The following MYO3B variants were observed in gnomAD, a reference collection of about 807,000 sequenced individuals.
MYO3B encodes the protein myosin-IIIb.
MYO3B carries 156 observed loss-of-function variants against 174.6 expected under a neutral mutation model. The ratio of observed to expected loss-of-function variants is 0.89; its 90% confidence interval spans 0.78 to 1.02. The LOEUF (loss-of-function observed/expected upper bound fraction) is 1.02. MYO3B is among the 50% of genes least tolerant of loss of function. MYO3B has a pLI of 0.00. For synonymous variants in MYO3B, 563 were observed against 569.1 expected (o/e 0.99, Z 0.15); for missense variants, 1,632 against 1,639.4 (o/e 1.00, Z 0.08).
At chr2:170,277,843 C>G (rs1395051209) in intron 7 of MYO3B, among the ~76,000 whole-genome samples, 3 of 152,170 alleles carry the variant, frequency 2.0e-5, no homozygotes, top group Non-Finnish European at 4.4e-5. Context: ...ATATGCATTT[C>G]TGCAATTCGC....
chr2:170,498,608 T>C lies in MYO3B; in HGVS notation c.3031T>C (p.Phe1011Leu), dbSNP rs372323362. 4.2e-5 allele frequency: 67 copies of C among 1,613,860 alleles called. 1 individual carries two copies. The African/African-American group carries it at 7.9e-4, about 19-fold the overall frequency. ...ATTTTGCAGGTATTATTACTTGGCA[T>C]TCACAGCACATCAAACACCTCTTGC... ...EFVKRYYYLA[F>L]TAHQTPLASK... The change falls in exon 26 of 35, where the codon TTC becomes CTC. Residue 1011 changes from phenylalanine (F) to leucine (L), a missense_variant. Phe to Leu is a conservative substitution (Grantham distance 22). Coordinates refer to ENST00000408978, the MANE Select transcript of MYO3B (RefSeq NM_138995.5).
intron 32 of MYO3B, among the ~76,000 whole-genome samples, chr2:170,630,443 G>C (rs1392359488): frequency 2.0e-5 from 3 of 152,154 alleles, no homozygotes; most frequent in African/African-American, 7.2e-5. Flanking sequence ...AGGCCTGCCT[G>C]CCTCTGTAGA....
chr2:170,519,800 C>A, intron 30 of MYO3B: 1 of 313,104 alleles, frequency 3.2e-6, no homozygotes, highest in Non-Finnish European at 6.1e-6. Context: ...TGGCAAAACC[C>A]CGCCTCTACT....
intron 7 of MYO3B, 25 bp downstream of exon 7, chr2:170,236,161 A>G: frequency 6.2e-7 from 1 of 1,613,884 alleles, no homozygotes; most frequent in Non-Finnish European, 8.5e-7. Context: ...GGCGCTCTTG[A>G]CTCATTAGTT....
chr2:170,291,965 T>C (rs1158415701), intron 7 of MYO3B, among the ~76,000 whole-genome samples: 4 of 152,096 alleles, frequency 2.6e-5, no homozygotes, highest in Non-Finnish European at 5.9e-5. Flanking sequence ...CCTGGATATT[T>C]ATACCTTTCT....
chr2:170,437,766 G>A (rs910251094), intron 22 of MYO3B, among the ~76,000 whole-genome samples: 1 of 151,994 alleles, frequency 6.6e-6, no homozygotes, highest in Non-Finnish European at 1.5e-5. Flanking sequence ...TCCCCTGAAG[G>A]ATCCTTACTG....
chr2:170,489,128 G>C (rs1368452394), intron 25 of MYO3B, among the ~76,000 whole-genome samples: 3 of 152,220 alleles, frequency 2.0e-5, no homozygotes, highest in Admixed American at 2.0e-4. Flanking sequence ...TGAATTAGAA[G>C]ACCTGGTAAG....
rs1365314220 is a variant in MYO3B at position 170,369,377 on chromosome 2, G to A, written c.971G>A (p.Arg324Lys). ...QKHQNPVAKTRHERMHTRRPY... is the reference protein window; with the variant it reads ...QKHQNPVAKTKHERMHTRRPY... ...CATCAAAATCCTGTTGCTAAAACCA[G>A]GTACTGTACTCTCTTTCTTCTTTCT... The change falls in exon 9 of 35, where the codon AGG becomes AAG. Residue 324 changes from arginine (R) to lysine (K), a missense_variant and splice_region_variant. Physicochemically the swap from Arg to Lys is conservative, Grantham distance 26. Transcript: ENST00000408978. The A allele has an allele frequency of 1.9e-6, 3 of 1,611,494 alleles. No individual in the cohort carries two copies. The highest frequency in any genetic ancestry group is 1.7e-6 in the Non-Finnish European group (2 of 1,178,540).
At chr2:170,217,254 CTGCCGAT>C in intron 5 of MYO3B, 58 bp from the exon 6 acceptor site, 2 of 1,423,756 alleles carry the variant, frequency 1.4e-6, no homozygotes, top group Non-Finnish European at 2.0e-6. Flanking sequence ...TGGAAAAAGT[CTGCCGAT>C]TGCTGGTCTA....
At chr2:170,426,864 A>G (rs2094667036) in intron 22 of MYO3B, among the ~76,000 whole-genome samples, 1 of 149,766 alleles carries the variant, frequency 6.7e-6, no homozygotes, top group South Asian at 2.1e-4. Context: ...CTAAAAATAC[A>G]AAAAATTAGC....
intron 7 of MYO3B, among the ~76,000 whole-genome samples, chr2:170,244,142 T>G (rs532552444): frequency 8.9e-4 from 136 of 152,326 alleles, no homozygotes; most frequent in African/African-American, 3.1e-3. Context: ...GGTGGTTTTG[T>G]GCTCGGTTGA....
At chr2:170,208,117 G>A (rs1574579790) in intron 3 of MYO3B, among the ~76,000 whole-genome samples, 2 of 152,186 alleles carry the variant, frequency 1.3e-5, no homozygotes, top group South Asian at 4.1e-4. Flanking sequence ...AACCAGTCAT[G>A]CTCACCTGTG....
intron 7 of MYO3B, among the ~76,000 whole-genome samples, chr2:170,295,259 A>G (rs1048380235): frequency 4.0e-5 from 6 of 151,690 alleles, no homozygotes; most frequent in Non-Finnish European, 8.8e-5. Flanking sequence ...TTCTGTTTAT[A>G]CTCATTATTT....
At chr2:170,580,887 A>G (rs1377804882) in intron 32 of MYO3B, among the ~76,000 whole-genome samples, 3 of 152,126 alleles carry the variant, frequency 2.0e-5, no homozygotes, top group Non-Finnish European at 4.4e-5. Context: ...TAGAACTCTC[A>G]TTAATTTCAT....
At chr2:170,285,987 T>G (rs72889438) in intron 7 of MYO3B, among the ~76,000 whole-genome samples, 133 of 152,324 alleles carry the variant, frequency 8.7e-4, no homozygotes, top group Non-Finnish European at 1.7e-3. Context: ...TCATGTCATG[T>G]CTACCATATA....
At position 170,214,843 on chromosome 2, in the gene MYO3B, T is replaced by C. The variant is rs111734289; in HGVS notation, c.526+15T>C. ...CGTTGACTTTGGTAATGACTGCTTG[T>C]CGTTTGTTTTCTTGACGTGTGCAGT... is the stretch of plus-strand genomic sequence containing the variant. On this transcript the variant is annotated intron_variant, in intron 5 of 34. Coordinates refer to ENST00000408978, the MANE Select transcript of MYO3B (RefSeq NM_138995.5). 7.1e-5 allele frequency: 113 copies of C among 1,598,852 alleles called. No individual in the cohort carries two copies. In the African/African-American group the frequency reaches 1.3e-3, roughly 19 times the overall value.
At chr2:170,287,789 A>T (rs1446225977) in intron 7 of MYO3B, among the ~76,000 whole-genome samples, 1 of 151,988 alleles carries the variant, frequency 6.6e-6, no homozygotes, top group Non-Finnish European at 1.5e-5. Context: ...CATAAAAAAA[A>T]ACTTTGCCCA....
intron 22 of MYO3B, among the ~76,000 whole-genome samples, chr2:170,431,150 T>C (rs1186016839): frequency 2.6e-5 from 4 of 152,184 alleles, no homozygotes. Context: ...ATGTCAGTAG[T>C]ATAGGCTCTT....
intron 22 of MYO3B, among the ~76,000 whole-genome samples, chr2:170,414,807 T>C (rs4667638): frequency 0.86 from 131,023 of 152,224 alleles, 56,824 homozygotes; most frequent in Middle Eastern, 0.95. Context: ...TTATTAGATG[T>C]ATAATGAAGT....
Sources: gnomAD v4.1 joint callset for allele counts (sites outside exome capture counted in the v4.1 genomes callset) on GRCh38, gnomAD v4.1.1 for gene constraint, MANE v1.5 for transcripts, NCBI Gene and HGNC (gene_info 2026-07-23, HGNC 2026-07-21) for gene names.